Variants in R3HDM1 observed in about 807,000 individuals in gnomAD.
R3HDM1 encodes R3H domain containing 1, also known as R3H domain-containing protein 1.
In R3HDM1, 46 loss-of-function variants were observed where a neutral mutation model predicts 141.1. The ratio of observed to expected loss-of-function variants is 0.33; its 90% CI spans 0.26 to 0.42. The LOEUF (loss-of-function observed/expected upper bound fraction) is 0.42. Among genes scored for constraint, R3HDM1 ranks in the 10% least tolerant of loss-of-function variants. The pLI is 1.00. For synonymous variants in R3HDM1, 435 were observed against 472.9 expected, an observed-to-expected ratio of 0.92 and a Z score of 1.04; for missense variants, 1,184 against 1,368.3, an observed-to-expected ratio of 0.87 and a Z score of 2.12.
intron 1 of R3HDM1, chr2:135,561,471 C>A: frequency 2.0e-6 from 1 of 499,990 alleles, no homozygotes; most frequent in Non-Finnish European, 2.6e-6. Context: ...AATCCCAGCG[C>A]TTTGGTAGGC....
At chr2:135,634,745 G>A (rs996891957) in intron 9 of R3HDM1, among the ~76,000 whole-genome samples, 18 of 152,058 alleles carry the variant, frequency 1.2e-4, no homozygotes, top group African/African-American at 4.4e-4. Flanking sequence ...AATTTACTTA[G>A]GTTATTCACA....
rs1397693617 is a variant in R3HDM1, at chr2:135,541,869, AAAG to A, written c.-250+10239_-250+10241del. 1.6e-3 allele frequency among the ~76,000 whole-genome samples: 194 copies of A among 121,612 alleles called. 2 individuals carry two copies. Among genetic ancestry groups the A allele is most frequent in the Middle Eastern group, 4.2e-3 (1 of 236 alleles). 79.8% of individuals were successfully genotyped at this position (121,612 alleles called of 152,430 possible). Reference sequence around the variant, plus strand: ...AATTTGTTAAAAAAAAAAAAAAAAAAAAGAAAGAAAGAAAGAGAAAAGCAATGT... The same window carrying A: ...AATTTGTTAAAAAAAAAAAAAAAAAAAAAGAAAGAAAGAGAAAAGCAATGT... On this transcript the variant is annotated intron_variant, in intron 1 of 26. Transcript: ENST00000683871.
At chr2:135,701,043 T>C (rs903696696) in intron 21 of R3HDM1, among the ~76,000 whole-genome samples, 8 of 152,072 alleles carry the variant, frequency 5.3e-5, no homozygotes, top group Admixed American at 3.9e-4. Context: ...GATAGAACAA[T>C]GATAACAATA....
chr2:135,643,385 C>G (rs1226588680), intron 15 of R3HDM1, among the ~76,000 whole-genome samples: 1 of 150,520 alleles, frequency 6.6e-6, no homozygotes, highest in Non-Finnish European at 1.5e-5. Context: ...TCTTCTCTCC[C>G]AAATATTATG....
At chr2:135,635,575 G>A (rs147130771) in intron 9 of R3HDM1, among the ~76,000 whole-genome samples, 2,593 of 152,258 alleles carry the variant, frequency 0.017, 40 homozygotes, top group Middle Eastern at 0.027. Flanking sequence ...TAAAGAAACC[G>A]GGAAAGAGAA....
intron 7 of R3HDM1, among the ~76,000 whole-genome samples, chr2:135,624,393 CAA>C (rs781574838): frequency 1.3e-4 from 8 of 61,774 alleles, no homozygotes; most frequent in African/African-American, 1.2e-4. Flanking sequence ...GACTCCGTCT[CAA>C]AAAAAAAAAA....
intron 6 of R3HDM1, chr2:135,621,922 C>T: frequency 1.0e-6 from 1 of 980,918 alleles, no homozygotes; most frequent in Non-Finnish European, 1.2e-6. Context: ...TACTATCACT[C>T]TTGAATTCCT....
chr2:135,702,945 T>G (rs1423901487), intron 21 of R3HDM1, among the ~76,000 whole-genome samples: 2 of 152,188 alleles, frequency 1.3e-5, no homozygotes. Flanking sequence ...ATCACTTCAT[T>G]GACCCACTAA....
At chr2:135,607,018 C>G in intron 3 of R3HDM1, among the ~76,000 whole-genome samples, 1 of 151,168 alleles carries the variant, frequency 6.6e-6, no homozygotes, top group Non-Finnish European at 1.5e-5. Context: ...AAGACAGAGT[C>G]TCGCTCTGTC....
intron 21 of R3HDM1, among the ~76,000 whole-genome samples, chr2:135,698,576 C>G (rs534179885): frequency 3.3e-5 from 5 of 152,294 alleles, no homozygotes; most frequent in Non-Finnish European, 1.5e-5. Flanking sequence ...TCTAAGCACT[C>G]TATATTCGTC....
intron 18 of R3HDM1, among the ~76,000 whole-genome samples, chr2:135,659,071 G>GTGTGTGTGTA (rs756134963): frequency 0.11 from 15,919 of 150,390 alleles, 1,083 homozygotes; most frequent in South Asian, 0.25. Context: ...GTGTGTGTGT[G>GTGTGTGTGTA]TGTGTGTGTG....
In R3HDM1 at chr2:135,638,954, G is replaced by T; in HGVS notation, c.1051G>T (p.Glu351Ter). 6.2e-7 allele frequency: 1 copy of T among 1,614,102 alleles called. No individual in the cohort carries two copies. The highest frequency in any genetic ancestry group is 1.1e-5 in the South Asian group (1 of 91,068). Reference sequence around the variant, plus strand: ...TAGCCATCAAAGCAGCACTGAGAATGAGTTGAAGTACTCGGAACCACGACC... The same window carrying T: ...TAGCCATCAAAGCAGCACTGAGAATTAGTTGAAGTACTCGGAACCACGACC... Reference protein sequence around the residue: ...TNSHQSSTENELKYSEPRPWS... With the variant: ...TNSHQSSTEN Residue 351 changes from glutamate to a stop codon, truncating the protein, a stop_gained, in exon 14 of 27, where the codon GAG (glutamate) becomes TAG (stop). Transcript: ENST00000683871. LOFTEE classifies it high-confidence loss of function.
At chr2:135,579,595 C>CGGGGCG (rs1706288508) in intron 1 of R3HDM1, among the ~76,000 whole-genome samples, 1 of 86,858 alleles carries the variant, frequency 1.2e-5, no homozygotes, top group African/African-American at 5.8e-5. Flanking sequence ...TATGGGGTGG[C>CGGGGCG]GGGGGGGGGT....
At chr2:135,657,852 T>C (rs2066122271) in intron 18 of R3HDM1, among the ~76,000 whole-genome samples, 1 of 152,266 alleles carries the variant, frequency 6.6e-6, no homozygotes, top group African/African-American at 2.4e-5. Context: ...ATGGTCTTGA[T>C]GGCATTTTAA....
At chr2:135,604,724 G>A (rs2059907101) in intron 2 of R3HDM1, 82 bp from the exon 3 acceptor site, 2 of 1,070,542 alleles carry the variant, frequency 1.9e-6, no homozygotes, top group Admixed American at 4.3e-5. Flanking sequence ...ATTATTTCTG[G>A]AACATAACAG....
At chr2:135,722,773 GAGGGGCCAC>G (rs1385475196) in intron 26 of R3HDM1, among the ~76,000 whole-genome samples, 5 of 152,180 alleles carry the variant, frequency 3.3e-5, no homozygotes, top group Non-Finnish European at 7.3e-5. Flanking sequence ...AGGAGGGACA[GAGGGGCCAC>G]AGGGAAATGT....
intron 1 of R3HDM1, chr2:135,584,354 A>G (rs1182529210): frequency 1.1e-6 from 1 of 918,616 alleles, no homozygotes; most frequent in Non-Finnish European, 1.3e-6. Context: ...ATTAACTCAA[A>G]TTTCTGTTAT....
At chr2:135,710,543 G>A (rs1472111450) in intron 23 of R3HDM1, among the ~76,000 whole-genome samples, 1 of 152,180 alleles carries the variant, frequency 6.6e-6, no homozygotes, top group Non-Finnish European at 1.5e-5. Flanking sequence ...CAGCTACTCA[G>A]GAGGCTGAGG....
intron 18 of R3HDM1, among the ~76,000 whole-genome samples, chr2:135,659,049 CTGTGTGTGTGTGTGTG>C (rs548436817): frequency 4.7e-5 from 6 of 126,496 alleles, no homozygotes; most frequent in Admixed American, 2.4e-4. Flanking sequence ...CTACCTGAGT[CTGTGTGTGTGTGTGTG>C]TGTGTGTGTG....
Sources: gnomAD v4.1 joint callset for allele counts (sites outside exome capture counted in the v4.1 genomes callset) on GRCh38, gnomAD v4.1.1 for gene constraint, MANE v1.5 for transcripts, NCBI Gene and HGNC (gene_info 2026-07-23, HGNC 2026-07-21) for gene names.